KLHL1: variants seen among roughly 807,000 people sequenced by gnomAD.
KLHL1 encodes the protein kelch like family member 1, also known as kelch-like protein 1.
Under a neutral mutation model 77.7 loss-of-function variants are expected in KLHL1, and 47 were observed. That is an observed-to-expected ratio of 0.60 (90% CI 0.48 to 0.77). The LOEUF (loss-of-function observed/expected upper bound fraction) is 0.77, where lower values mean the gene tolerates loss of function less well. Ranked by LOEUF, KLHL1 falls within the 30% of genes least tolerant of loss-of-function variation. The probability of loss-of-function intolerance (pLI) is 0.00; values close to 1 mark genes in which losing one functional copy is unlikely to be tolerated. For missense variants in KLHL1, 925 were observed against 910.8 expected, an observed-to-expected ratio of 1.02 and a Z score of -0.20; for synonymous variants, 360 against 325.2, an observed-to-expected ratio of 1.11 and a Z score of -1.15.
At chr13:69,798,049 C>A (rs1877204888) in intron 6 of KLHL1, among the ~76,000 whole-genome samples, 1 of 151,862 alleles carries the variant, frequency 6.6e-6, no homozygotes, top group African/African-American at 2.4e-5. Flanking sequence ...TTTAATTACC[C>A]AATTCTCATT....
intron 5 of KLHL1, among the ~76,000 whole-genome samples, chr13:69,851,277 T>C (rs555509170): frequency 6.6e-6 from 1 of 151,896 alleles, no homozygotes; most frequent in African/African-American, 2.4e-5. Flanking sequence ...TGCAGATTTA[T>C]CATGAGAAAC....
chr13:69,869,687 A>C (rs1015172181), intron 5 of KLHL1, among the ~76,000 whole-genome samples: 1 of 152,146 alleles, frequency 6.6e-6, no homozygotes, highest in African/African-American at 2.4e-5. Flanking sequence ...TAAAATAATA[A>C]ACTATATTTT....
intron 3 of KLHL1, among the ~76,000 whole-genome samples, chr13:69,950,571 T>C (rs1424066215): frequency 6.6e-6 from 1 of 151,550 alleles, no homozygotes; most frequent in African/African-American, 2.4e-5. Context: ...GTAAGAACAG[T>C]GAAAAAATAA....
chr13:69,872,734 G>T (rs957648623), intron 5 of KLHL1, among the ~76,000 whole-genome samples: 34 of 152,246 alleles, frequency 2.2e-4, no homozygotes, highest in Admixed American at 1.9e-3. Flanking sequence ...TTTGTTATTT[G>T]TCAGGAGAAT....
intron 1 of KLHL1, among the ~76,000 whole-genome samples, chr13:69,985,286 A>G (rs1216755808): frequency 6.6e-6 from 1 of 152,190 alleles, no homozygotes; most frequent in Non-Finnish European, 1.5e-5. Flanking sequence ...GCAGAAAACA[A>G]AGAAAAAACC....
intron 7 of KLHL1, among the ~76,000 whole-genome samples, chr13:69,771,198 C>A (rs541219123): frequency 1.3e-5 from 2 of 151,706 alleles, no homozygotes; most frequent in South Asian, 4.1e-4. Context: ...CTCTTCCATG[C>A]CTTGCAGACT....
intron 5 of KLHL1, among the ~76,000 whole-genome samples, chr13:69,847,104 A>T (rs1036345877): frequency 2.0e-5 from 3 of 151,412 alleles, no homozygotes; most frequent in African/African-American, 7.3e-5. Context: ...TATTGCCTGT[A>T]TAGATGCTGC....
intron 7 of KLHL1, among the ~76,000 whole-genome samples, chr13:69,761,803 T>G (rs770228201): frequency 2.6e-5 from 4 of 152,158 alleles, no homozygotes; most frequent in Admixed American, 6.6e-5. Context: ...CCTGAATCCT[T>G]GAAGCTTCCA....
intron 4 of KLHL1, among the ~76,000 whole-genome samples, chr13:69,930,153 G>A (rs562186245): frequency 2.0e-5 from 3 of 151,898 alleles, no homozygotes; most frequent in Admixed American, 2.0e-4. Context: ...TTATTAGCAA[G>A]TTTTATATGA....
intron 7 of KLHL1, among the ~76,000 whole-genome samples, chr13:69,748,481 T>C (rs1233430981): frequency 2.6e-5 from 4 of 151,924 alleles, no homozygotes; most frequent in Admixed American, 2.6e-4. Context: ...GAGAACAACA[T>C]GGGGGAAACC....
chr13:69,972,316 ATACT>A (rs1884406195), intron 2 of KLHL1, among the ~76,000 whole-genome samples: 1 of 151,998 alleles, frequency 6.6e-6, no homozygotes, highest in African/African-American at 2.4e-5. Context: ...AAAATAATAA[ATACT>A]TTCTTGAAAT....
At chr13:69,975,534 G>T in intron 2 of KLHL1, 86 bp downstream of exon 2, 1 of 1,104,212 alleles carries the variant, frequency 9.1e-7, no homozygotes. Context: ...TATTTCTGTA[G>T]TCATATAATA....
At chr13:69,963,632 G>A (rs1884132076) in intron 2 of KLHL1, among the ~76,000 whole-genome samples, 1 of 152,092 alleles carries the variant, frequency 6.6e-6, no homozygotes, top group Non-Finnish European at 1.5e-5. Flanking sequence ...TGCTAAATTT[G>A]TCTAGAGATC....
intron 1 of KLHL1, among the ~76,000 whole-genome samples, chr13:70,069,622 A>G (rs763679298): frequency 8.5e-5 from 13 of 152,200 alleles, no homozygotes; most frequent in Non-Finnish European, 1.5e-4. Flanking sequence ...AGCACAGTGA[A>G]GGGAACTCTA....
intron 1 of KLHL1, among the ~76,000 whole-genome samples, chr13:69,980,030 T>C (rs1285972887): frequency 6.6e-6 from 1 of 152,194 alleles, no homozygotes; most frequent in Non-Finnish European, 1.5e-5. Flanking sequence ...GCGTCTTTGT[T>C]GTGGCTATCT....
At chr13:69,781,664 G>A (rs1876217450) in intron 7 of KLHL1, among the ~76,000 whole-genome samples, 1 of 151,984 alleles carries the variant, frequency 6.6e-6, no homozygotes, top group Non-Finnish European at 1.5e-5. Flanking sequence ...TTTTACCCAT[G>A]ATATTCTGAA....
At chr13:69,978,740 GC>G (rs1355322305) in intron 1 of KLHL1, among the ~76,000 whole-genome samples, 1 of 152,114 alleles carries the variant, frequency 6.6e-6, no homozygotes, top group African/African-American at 2.4e-5. Context: ...GCCCGCCTTG[GC>G]CCCCCAAAGT....
chr13:69,845,159 G>T (rs1195271558), intron 5 of KLHL1, among the ~76,000 whole-genome samples: 1 of 151,574 alleles, frequency 6.6e-6, no homozygotes, highest in Non-Finnish European at 1.5e-5. Flanking sequence ...CCCAGGCCAA[G>T]CTCTGGAATC....
At chr13:69,981,818 CAAG>C (rs1884719160) in intron 1 of KLHL1, among the ~76,000 whole-genome samples, 3 of 151,192 alleles carry the variant, frequency 2.0e-5, no homozygotes, top group African/African-American at 2.4e-5. Flanking sequence ...AAAATTCTAA[CAAG>C]AATTCTTCAA....
Sources: gnomAD v4.1 joint callset for allele counts (sites outside exome capture counted in the v4.1 genomes callset) on GRCh38, gnomAD v4.1.1 for gene constraint, MANE v1.5 for transcripts, NCBI Gene and HGNC (gene_info 2026-07-23, HGNC 2026-07-21) for gene names.